Variants in CTSD observed in about 807,000 individuals in gnomAD.
The protein encoded by CTSD is ceroid-lipofuscinosis, neuronal 10.
In CTSD, 28 loss-of-function variants were observed where a neutral mutation model predicts 43.6. That is an observed-to-expected ratio of 0.64 (90% CI 0.48 to 0.88). The LOEUF (loss-of-function observed/expected upper bound fraction) is 0.88. Ranked by LOEUF, CTSD falls within the 40% of genes least tolerant of loss-of-function variation. The pLI is 0.00. For synonymous variants in CTSD, 270 were observed against 249.8 expected, an observed-to-expected ratio of 1.08 and a Z score of -0.76; for missense variants, 485 against 555.2, an observed-to-expected ratio of 0.87 and a Z score of 1.27.
chr11:1,760,956 C>T (rs1006397221), intron 2 of CTSD: 7 of 357,522 alleles, frequency 2.0e-5, no homozygotes, highest in Admixed American at 3.9e-5. Flanking sequence ...GGGGAGGCCA[C>T]GAGTCACCAC....
At chr11:1,755,234 G>A in intron 5 of CTSD, 1 of 644,458 alleles carries the variant, frequency 1.6e-6, no homozygotes, top group South Asian at 1.7e-5. Context: ...CGTGGGCCCA[G>A]CCTGGCCCAG....
chr11:1,757,319 C>T lies in CTSD; in HGVS notation c.704+5G>A, dbSNP rs1064796905. The T allele has an allele frequency of 6.2e-7, 1 of 1,611,670 alleles. No homozygotes were observed. Among genetic ancestry groups the T allele is most frequent in the African/African-American group, 1.3e-5 (1 of 75,026 alleles). On this transcript the variant is annotated splice_donor_5th_base_variant and intron_variant, in intron 5 of 8. Transcript: ENST00000236671. ...CGCGGAGCGAGAGGGAACCCACACG[C>T]CCACCTGCTCAGGTAGAAGGAGAAG...
chr11:1,758,860 G>C, intron 4 of CTSD, 109 bp downstream of exon 4: 1 of 841,580 alleles, frequency 1.2e-6, no homozygotes, highest in Non-Finnish European at 2.1e-6. Context: ...CCTGAGGGCT[G>C]GGGTTGGGCT....
At chr11:1,757,878 G>A in intron 4 of CTSD, 1 of 431,960 alleles carries the variant, frequency 2.3e-6, no homozygotes, top group Non-Finnish European at 4.3e-6. Flanking sequence ...GGCAGGTCCT[G>A]CTCCTGCCCT....
At position 1,753,086 on chromosome 11, in the gene CTSD, A is replaced by C; in HGVS notation, c.*417T>G. ...GGGCAGAGGGGCCCTCAGGCAGGGC[A>C]GGTTTCCAAGGGAGGGCCCGGGAGG... On this transcript the variant is annotated 3_prime_UTR_variant, in exon 9 of 9. Coordinates refer to ENST00000236671, the MANE Select transcript of CTSD (RefSeq NM_001909.5). The C allele has an allele frequency of 3.3e-6, 1 of 304,166 alleles. No individual in the cohort carries two copies. The highest frequency in any genetic ancestry group is 6.4e-6 in the Non-Finnish European group (1 of 155,472). The allele number at this position is 304,166 out of a possible 1,614,324, so 18.8% of individuals were successfully genotyped here.
At position 1,758,976 on chromosome 11, in the gene CTSD, G is replaced by C; in HGVS notation, c.464C>G (p.Thr155Ser). The C allele has an allele frequency of 6.2e-7, 1 of 1,609,132 alleles. No homozygotes were observed. The highest frequency in any genetic ancestry group is 1.3e-5 in the African/African-American group (1 of 74,956). The change falls in exon 4 of 9, where the codon ACT becomes AGT. Residue 155 changes from threonine to serine, a missense_variant. By Grantham distance (58) the Thr-to-Ser change is moderately conservative (BLOSUM62 1). Coordinates refer to ENST00000236671, the MANE Select transcript of CTSD (RefSeq NM_001909.5). ...GSLSGYLSQD[T>S]VSVPCQSASS... ...GGCCCCAGAGGGACTCACCGACACA[G>C]TGTCCTGGCTCAGGTACCCGGAGAG...
chr11:1,754,172 G>A, intron 6 of CTSD, 34 bp from the exon 7 acceptor site: 11 of 1,598,644 alleles, frequency 6.9e-6, no homozygotes, highest in Non-Finnish European at 6.8e-6. Context: ...CCCCTGCCGG[G>A]ACTGGAGTGT....
chr11:1,755,078 G>A (rs913716558), intron 5 of CTSD, 50 bp from the exon 6 acceptor site: 10 of 1,611,726 alleles, frequency 6.2e-6, no homozygotes, highest in Non-Finnish European at 7.6e-6. Context: ...CCAAGCACAA[G>A]AGTGCCAGGT....
intron 2 of CTSD, chr11:1,761,031 G>C: frequency 2.0e-6 from 1 of 489,956 alleles, no homozygotes. Flanking sequence ...GCAGGCCCAA[G>C]GACCGCCCCC....
At chr11:1,760,979 AG>A (rs1845868502) in intron 2 of CTSD, 1 of 395,202 alleles carries the variant, frequency 2.5e-6, no homozygotes, top group African/African-American at 2.1e-5. Context: ...GCCTCCCAGC[AG>A]GACAGCAGTG....
In CTSD at chr11:1,759,060, T is replaced by C. The variant is rs1438409242; in HGVS notation, c.380A>G (p.Lys127Arg). ...ACCATTCTTCACGTAGGTGCTGGAC[T>C]TGTCGCTGTTGTACTTGTGGTGGAT... ...CWIHHKYNSD[K>R]SSTYVKNGTS... is the part of the protein sequence containing the mutation. The change falls in exon 4 of 9, where the codon AAG becomes AGG. Residue 127 changes from lysine to arginine, a missense_variant. Coordinates refer to ENST00000236671, the MANE Select transcript of CTSD (RefSeq NM_001909.5). 1.2e-6 allele frequency: 2 copies of C among 1,614,122 alleles called. No individual in the cohort carries two copies. The highest frequency in any genetic ancestry group is 1.7e-6 in the Non-Finnish European group (2 of 1,179,950).
intron 4 of CTSD, among the ~76,000 whole-genome samples, chr11:1,758,419 C>T (rs1399242276): frequency 6.6e-6 from 1 of 152,148 alleles, no homozygotes; most frequent in Non-Finnish European, 1.5e-5. Flanking sequence ...TGACAAGGGC[C>T]AGCTCACCCT....
intron 5 of CTSD, 150 bp from the exon 6 acceptor site, chr11:1,755,178 CAGG>C (rs1311171978): frequency 3.3e-6 from 3 of 916,114 alleles, no homozygotes; most frequent in Non-Finnish European, 5.2e-6. Flanking sequence ...GCCCAGAAGG[CAGG>C]AGGAGGGACA....
At chr11:1,758,119 A>C (rs1845831893) in intron 4 of CTSD, 2 of 198,320 alleles carry the variant, frequency 1.0e-5, no homozygotes, top group Non-Finnish European at 1.1e-5. Context: ...GGAAGAGGGC[A>C]GACGGGGCAA....
At chr11:1,758,516 C>T (rs1211908579) in intron 4 of CTSD, among the ~76,000 whole-genome samples, 1 of 152,106 alleles carries the variant, frequency 6.6e-6, no homozygotes, top group Non-Finnish European at 1.5e-5. Flanking sequence ...GCTCCCCCTC[C>T]CTTGCCCTCC....
intron 1 of CTSD, chr11:1,763,573 T>C (rs1011167930): frequency 1.7e-5 from 9 of 519,454 alleles, no homozygotes; most frequent in African/African-American, 1.6e-4. Flanking sequence ...GAGAGGCATC[T>C]GGCGCCTCTG....
At chr11:1,759,384 G>C in intron 3 of CTSD, 132 bp downstream of exon 3, 1 of 1,348,600 alleles carries the variant, frequency 7.4e-7, no homozygotes, top group African/African-American at 1.4e-5. Flanking sequence ...CTGGAGCAGG[G>C]TGGAGGGCTG....
At chr11:1,763,322 G>A (rs980989566) in intron 1 of CTSD, among the ~76,000 whole-genome samples, 1 of 152,200 alleles carries the variant, frequency 6.6e-6, no homozygotes, top group Admixed American at 6.5e-5. Context: ...GATAAGAGCC[G>A]CTGGAGCAAA....
chr11:1,756,866 A>T (rs533756431), intron 5 of CTSD, among the ~76,000 whole-genome samples: 3 of 151,936 alleles, frequency 2.0e-5, no homozygotes, highest in Non-Finnish European at 4.4e-5. Context: ...GGTGCCGGGG[A>T]CCCATACGCA....
Sources: allele counts gnomAD v4.1 joint callset (sites outside exome capture counted in the v4.1 genomes callset), GRCh38; gene constraint gnomAD v4.1.1; transcripts MANE v1.5; gene names NCBI Gene and HGNC (gene_info 2026-07-23, HGNC 2026-07-21).